The following GRID2 variants were observed in gnomAD, a reference collection of about 807,000 sequenced individuals.
The protein encoded by GRID2 is glutamate receptor ionotropic, delta-2.
A neutral mutation model predicts 114.8 loss-of-function variants in GRID2; 33 were observed. That is an observed-to-expected ratio of 0.29 (90% confidence interval 0.22 to 0.38). GRID2 has a LOEUF of 0.38. Among genes scored for constraint, GRID2 ranks in the 10% least tolerant of loss-of-function variants. GRID2 has a pLI of 1.00. For missense variants in GRID2, 1,184 were observed against 1,257.7 expected (o/e 0.94, Z 0.89); for synonymous variants, 505 against 449.9 (o/e 1.12, Z -1.55).
intron 2 of GRID2, among the ~76,000 whole-genome samples, chr4:92,757,299 G>T (rs773175023): frequency 2.8e-4 from 42 of 152,064 alleles, no homozygotes; most frequent in Admixed American, 1.0e-3. Flanking sequence ...AGTGGAGATT[G>T]TATACCTAGT....
At chr4:92,565,224 G>C (rs1400225303) in intron 1 of GRID2, among the ~76,000 whole-genome samples, 3 of 151,968 alleles carry the variant, frequency 2.0e-5, no homozygotes, top group African/African-American at 4.8e-5. Flanking sequence ...TAGTTTTATA[G>C]TGATCAATCA....
At chr4:92,388,253 T>C (rs1225794120) in intron 1 of GRID2, among the ~76,000 whole-genome samples, 2 of 152,032 alleles carry the variant, frequency 1.3e-5, no homozygotes, top group African/African-American at 2.4e-5. Flanking sequence ...TTTTAGGTCA[T>C]TGGCTGTTTT....
intron 1 of GRID2, among the ~76,000 whole-genome samples, chr4:92,529,623 A>G (rs1725231054): frequency 6.6e-6 from 1 of 152,072 alleles, no homozygotes; most frequent in Non-Finnish European, 1.5e-5. Flanking sequence ...GTAGAACATG[A>G]AGTTGGCCCA....
At chr4:92,798,347 C>T (rs953105078) in intron 2 of GRID2, among the ~76,000 whole-genome samples, 1 of 151,900 alleles carries the variant, frequency 6.6e-6, no homozygotes, top group East Asian at 1.9e-4. Context: ...ATCAAGAATA[C>T]TAAAAAAAGT....
intron 8 of GRID2, among the ~76,000 whole-genome samples, chr4:93,286,475 A>C (rs1372408754): frequency 1.3e-5 from 2 of 152,118 alleles, no homozygotes; most frequent in Non-Finnish European, 2.9e-5. Flanking sequence ...TCCAGGGTTC[A>C]TATCACCCTT....
intron 8 of GRID2, among the ~76,000 whole-genome samples, chr4:93,263,145 T>A (rs1342600899): frequency 1.3e-5 from 2 of 152,046 alleles, no homozygotes; most frequent in Non-Finnish European, 2.9e-5. Context: ...CTAGTATTTT[T>A]AATCAATTTT....
intron 4 of GRID2, among the ~76,000 whole-genome samples, chr4:93,128,884 T>TA (rs1471130913): frequency 6.6e-6 from 1 of 152,166 alleles, no homozygotes; most frequent in Non-Finnish European, 1.5e-5. Context: ...GAGTAGAACT[T>TA]ACGCTTTGCA....
At chr4:93,590,474 G>A (rs1321755478) in intron 13 of GRID2, among the ~76,000 whole-genome samples, 2 of 150,184 alleles carry the variant, frequency 1.3e-5, no homozygotes, top group Non-Finnish European at 3.0e-5. Flanking sequence ...AGTATAGTTT[G>A]AAGTCAGGTA....
At chr4:93,209,287 C>T (rs191502209) in intron 5 of GRID2, among the ~76,000 whole-genome samples, 1 of 151,946 alleles carries the variant, frequency 6.6e-6, no homozygotes, top group African/African-American at 2.4e-5. Flanking sequence ...GTGTGTTGTT[C>T]CCCTCTTTGT....
At chr4:93,268,745 A>T (rs1751119095) in intron 8 of GRID2, among the ~76,000 whole-genome samples, 1 of 152,212 alleles carries the variant, frequency 6.6e-6, no homozygotes, top group Admixed American at 6.5e-5. Flanking sequence ...TTATAACCAC[A>T]TATCTAAACT....
chr4:92,580,905 T>TTA (rs1728154657), intron 1 of GRID2, among the ~76,000 whole-genome samples: 2 of 151,104 alleles, frequency 1.3e-5, no homozygotes, highest in Admixed American at 6.6e-5. Flanking sequence ...TTTTTTTTTT[T>TTA]AAATGCATCA....
At chr4:93,716,628 T>C (rs1447484349) in intron 14 of GRID2, among the ~76,000 whole-genome samples, 1 of 151,858 alleles carries the variant, frequency 6.6e-6, no homozygotes, top group Non-Finnish European at 1.5e-5. Context: ...ATATATTTAA[T>C]ATGTATGTAA....
chr4:92,464,863 T>A (rs191899762), intron 1 of GRID2, among the ~76,000 whole-genome samples: 49 of 152,254 alleles, frequency 3.2e-4, no homozygotes, highest in African/African-American at 1.1e-3. Flanking sequence ...TTCCCGATGT[T>A]AGGGGAAGGA....
chr4:93,208,424 C>T (rs553143432), intron 5 of GRID2, among the ~76,000 whole-genome samples: 2 of 151,950 alleles, frequency 1.3e-5, no homozygotes, highest in African/African-American at 4.8e-5. Flanking sequence ...TTATCAGGTG[C>T]TCTTAACACA....
intron 2 of GRID2, among the ~76,000 whole-genome samples, chr4:92,705,749 T>A (rs1157706331): frequency 1.3e-5 from 2 of 152,132 alleles, no homozygotes; most frequent in African/African-American, 4.8e-5. Flanking sequence ...CTGGAAGAGG[T>A]TGCCTCAAAG....
At chr4:93,546,173 A>G (rs964386988) in intron 13 of GRID2, among the ~76,000 whole-genome samples, 3 of 152,214 alleles carry the variant, frequency 2.0e-5, no homozygotes, top group African/African-American at 7.2e-5. Context: ...TCTAATTGAC[A>G]TGGGAAAAAA....
chr4:92,944,679 C>G (rs1327262596), intron 2 of GRID2, among the ~76,000 whole-genome samples: 3 of 152,204 alleles, frequency 2.0e-5, no homozygotes. Context: ...TGGAGCTGTT[C>G]CTATTTGGCC....
chr4:93,047,962 T>C (rs1475142109), intron 2 of GRID2, among the ~76,000 whole-genome samples: 1 of 152,128 alleles, frequency 6.6e-6, no homozygotes, highest in Non-Finnish European at 1.5e-5. Flanking sequence ...AAGGTGAAGT[T>C]CTGGGTGTTG....
chr4:92,974,889 G>T (rs994085867), intron 2 of GRID2, among the ~76,000 whole-genome samples: 1 of 151,568 alleles, frequency 6.6e-6, no homozygotes, highest in Non-Finnish European at 1.5e-5. Flanking sequence ...CGGGAGCGGC[G>T]GCTCACGCCT....
Sources: allele counts gnomAD v4.1 joint callset (sites outside exome capture counted in the v4.1 genomes callset), GRCh38; gene constraint gnomAD v4.1.1; transcripts MANE v1.5; gene names NCBI Gene and HGNC (gene_info 2026-07-23, HGNC 2026-07-21).